Variants in NDUFAF6 observed in about 807,000 individuals in gnomAD.
The protein encoded by NDUFAF6 is NADH:ubiquinone oxidoreductase complex assembly factor 6.
Under a neutral mutation model 40.8 loss-of-function variants are expected in NDUFAF6, and 45 were observed. That is an observed-to-expected ratio of 1.10 (90% confidence interval 0.87 to 1.42). The LOEUF is 1.42. NDUFAF6 is among the 40% of genes most tolerant of loss of function. NDUFAF6 has a pLI of 0.00. For synonymous variants in NDUFAF6, 185 were observed against 155.9 expected (o/e 1.19, Z -1.39); for missense variants, 435 against 418.5 (o/e 1.04, Z -0.34).
upstream of NDUFAF6, among the ~76,000 whole-genome samples, chr8:94,953,487 C>A (rs1440807732): frequency 6.6e-6 from 1 of 152,168 alleles, no homozygotes; most frequent in South Asian, 2.1e-4. Context: ...AAGAGGCGCA[C>A]TGTGTGGGGC....
downstream of NDUFAF6, among the ~76,000 whole-genome samples, chr8:95,106,372 A>G (rs1004467365): frequency 3.3e-5 from 5 of 152,232 alleles, no homozygotes; most frequent in Admixed American, 1.3e-4. Flanking sequence ...GACAAAAACA[A>G]GAAATGGGGA....
At chr8:94,946,285 G>C (rs1172489997) in intron 2 of NDUFAF6, among the ~76,000 whole-genome samples, 1 of 152,122 alleles carries the variant, frequency 6.6e-6, no homozygotes, top group Non-Finnish European at 1.5e-5. Flanking sequence ...TACTCACGGG[G>C]AAGAGCATTC....
At chr8:94,948,958 C>T (rs1013322827) in intron 2 of NDUFAF6, among the ~76,000 whole-genome samples, 2 of 150,604 alleles carry the variant, frequency 1.3e-5, no homozygotes, top group African/African-American at 2.4e-5. Context: ...CGCCGAGGAC[C>T]GACCCACTGG....
chr8:94,948,575 C>T (rs1049728169), intron 2 of NDUFAF6, among the ~76,000 whole-genome samples: 3 of 152,122 alleles, frequency 2.0e-5, no homozygotes, highest in African/African-American at 7.2e-5. Flanking sequence ...TCCCCATAGC[C>T]GCAGGGCCTC....
chr8:95,064,683 CCTT>C (rs1235309174), intron 9 of NDUFAF6, among the ~76,000 whole-genome samples: 5 of 150,024 alleles, frequency 3.3e-5, no homozygotes, highest in South Asian at 2.1e-4. Context: ...ATCTCTCTGA[CCTT>C]CTGCTCTCCC....
At chr8:94,923,509 C>T (rs910329112) in intron 1 of NDUFAF6, among the ~76,000 whole-genome samples, 3 of 152,142 alleles carry the variant, frequency 2.0e-5, no homozygotes, top group African/African-American at 7.2e-5. Flanking sequence ...TAACCTATTC[C>T]ACTTCCTGTC....
chr8:94,987,210 A>G (rs1034219424), intron 2 of NDUFAF6, among the ~76,000 whole-genome samples: 5 of 152,220 alleles, frequency 3.3e-5, no homozygotes, highest in Admixed American at 2.6e-4. Context: ...TTTTAAGCCA[A>G]TGCAGCCATA....
At chr8:95,045,065 T>TC (rs5893315) in intron 4 of NDUFAF6, among the ~76,000 whole-genome samples, 112,833 of 151,874 alleles carry the variant, frequency 0.74, 42,672 homozygotes, top group East Asian at 0.94. Flanking sequence ...ATATGTGGGT[T>TC]CCCGTCCCCA....
At chr8:95,053,769 A>G (rs947330219) in intron 8 of NDUFAF6, among the ~76,000 whole-genome samples, 6 of 151,112 alleles carry the variant, frequency 4.0e-5, no homozygotes, top group Admixed American at 1.3e-4. Context: ...GGGATTACAG[A>G]CATGCACCAC....
upstream of NDUFAF6, among the ~76,000 whole-genome samples, chr8:95,099,021 A>T (rs1305560122): frequency 6.6e-6 from 1 of 152,010 alleles, no homozygotes; most frequent in East Asian, 1.9e-4. Flanking sequence ...CAGGCAGATC[A>T]CCTGAGGTCA....
chr8:95,016,550 C>T (rs1353508064), intron 2 of NDUFAF6, among the ~76,000 whole-genome samples: 1 of 152,170 alleles, frequency 6.6e-6, no homozygotes, highest in Non-Finnish European at 1.5e-5. Flanking sequence ...CGAGACCATC[C>T]TGGCAACATG....
At chr8:95,090,019 C>T (rs947486891) in intron 2 of NDUFAF6, among the ~76,000 whole-genome samples, 2 of 152,202 alleles carry the variant, frequency 1.3e-5, no homozygotes, top group African/African-American at 4.8e-5. Flanking sequence ...CTCCAAATGA[C>T]TTCCCACATT....
chr8:94,991,050 A>G (rs1435279446), intron 2 of NDUFAF6, among the ~76,000 whole-genome samples: 1 of 152,202 alleles, frequency 6.6e-6, no homozygotes, highest in Non-Finnish European at 1.5e-5. Context: ...GTATACCCTA[A>G]ACTTCAAAAA....
intron 2 of NDUFAF6, among the ~76,000 whole-genome samples, chr8:94,998,186 A>G (rs1443435688): frequency 1.3e-5 from 2 of 152,200 alleles, no homozygotes; most frequent in Non-Finnish European, 2.9e-5. Context: ...TGTCTTTCTT[A>G]TATTCTTTGC....
intron 2 of NDUFAF6, 143 bp downstream of exon 2, chr8:95,032,237 GT>G: frequency 1.4e-6 from 1 of 732,410 alleles, no homozygotes; most frequent in Non-Finnish European, 2.4e-6. Flanking sequence ...CCTGCTAACT[GT>G]TTAGGCTTAG....
chr8:95,092,257 C>T (rs1176380620), intron 2 of NDUFAF6, among the ~76,000 whole-genome samples: 1 of 151,504 alleles, frequency 6.6e-6, no homozygotes, highest in Non-Finnish European at 1.5e-5. Context: ...TCTTGGCTCA[C>T]TGCAATCTCC....
chr8:95,117,390 A>G (rs1426193428), downstream of NDUFAF6, among the ~76,000 whole-genome samples: 2 of 152,158 alleles, frequency 1.3e-5, no homozygotes, highest in Admixed American at 6.5e-5. Flanking sequence ...AGCGATTATC[A>G]CCCAACATCC....
chr8:94,904,320 CTTTTTTTTT>C (rs57749627), intron 1 of NDUFAF6, among the ~76,000 whole-genome samples: 6 of 34,134 alleles, frequency 1.8e-4, no homozygotes, highest in African/African-American at 7.6e-4. Flanking sequence ...ATTTTTTTTG[CTTTTTTTTT>C]TTTTTTTTTT....
chr8:95,078,772 A>T (rs1351966006), downstream of NDUFAF6: 1 of 151,208 alleles, frequency 6.6e-6, no homozygotes, highest in Non-Finnish European at 1.5e-5. Flanking sequence ...GTTTTGCATC[A>T]TTTCGAATGT....
Sources: allele counts gnomAD v4.1 joint callset (sites outside exome capture counted in the v4.1 genomes callset), GRCh38; gene constraint gnomAD v4.1.1; transcripts MANE v1.5; gene names NCBI Gene and HGNC (gene_info 2026-07-23, HGNC 2026-07-21).